The following CAND2 variants were observed in gnomAD, a reference collection of about 807,000 sequenced individuals.
CAND2 encodes the protein cullin-associated NEDD8-dissociated protein 2.
A neutral mutation model predicts 98.9 loss-of-function variants in CAND2; 62 were observed. The observed-to-expected ratio is 0.63, with a 90% CI of 0.51 to 0.77. The LOEUF is 0.77. Among genes scored for constraint, CAND2 ranks in the 30% least tolerant of loss-of-function variants. CAND2 has a pLI of 0.00. For missense variants in CAND2, 1,501 were observed against 1,655.2 expected (o/e 0.91, Z 1.62); for synonymous variants, 770 against 731.9 (o/e 1.05, Z -0.84).
chr3:12,825,110 TTTTTTC>T (rs2061988574), intron 11 of CAND2, among the ~76,000 whole-genome samples: 1 of 148,164 alleles, frequency 6.7e-6, no homozygotes, highest in Non-Finnish European at 1.5e-5. Flanking sequence ...TTCAAAAAAT[TTTTTTC>T]TTTTTTTTTT....
chr3:12,817,502 GCCA>G lies in CAND2; in HGVS notation c.2574_2576del (p.His858del), dbSNP rs750836643. Reference sequence around the variant, plus strand: ...GAGGTGGGTCAGGTGGCTGGGCCAGGCCACCAGCGGGAGCTGAAGGCGGTGCTC... The same window carrying G: ...GAGGTGGGTCAGGTGGCTGGGCCAGGCCAGCGGGAGCTGAAGGCGGTGCTC... On this transcript the variant is annotated inframe_deletion, in exon 10 of 15. Coordinates refer to ENST00000456430, the MANE Select transcript of CAND2 (RefSeq NM_001162499.2). 2 of 1,613,562 alleles carry G rather than the reference GCCA, an allele frequency of 1.2e-6. No individual in the cohort carries two copies. Among genetic ancestry groups the G allele is most frequent in the African/African-American group, 2.7e-5 (2 of 75,076 alleles).
rs2061886705 is a variant in CAND2, at chr3:12,815,180, G to A, written c.1046G>A (p.Trp349Ter). The change falls in exon 8 of 15, where the codon TGG (tryptophan) becomes TAG (stop). Residue 349 changes from tryptophan (W) to a stop codon, truncating the protein, a stop_gained. Transcript: ENST00000456430. LOFTEE classifies it high-confidence loss of function. This position sits in a 1 kb window ranked among gnomAD's most constrained non-coding sequence, Gnocchi z 5.7. The stretch of plus-strand genomic sequence containing the variant: ...TACAGCGATGACGATGACATGAGCT[G>A]GAAGGTGCGCCGGGCAGCTGCCAAG... ...DEYSDDDDMS[W>*]KVRRAAAKCI... is the part of the protein sequence containing the mutation. 6.2e-7 allele frequency: 1 copy of A among 1,613,468 alleles called. No individual in the cohort carries two copies.
At chr3:12,831,629 C>A in intron 14 of CAND2, 57 bp downstream of exon 14, 1 of 905,608 alleles carries the variant, frequency 1.1e-6, no homozygotes, top group East Asian at 2.8e-5. Flanking sequence ...AGTCCTCGGC[C>A]AGTCGTTCAG....
In CAND2 at chr3:12,810,203, C is replaced by A; in HGVS notation, c.636C>A (p.Val212=). Residue 212 remains valine, a synonymous_variant, in exon 5 of 15, where the codon GTC becomes GTA. Transcript: ENST00000456430. The stretch of plus-strand genomic sequence containing the variant: ...CCGCCTGCAGCACCGACCTCTTCGT[C>A]GAGCTCGCTGACCACCTACTGGACC... ...LAAACSTDLF[V]ELADHLLDRL... is the part of the protein sequence containing the mutation. The A allele has an allele frequency of 1.3e-6, 2 of 1,542,016 alleles. No individual in the cohort carries two copies. The highest frequency in any genetic ancestry group is 2.5e-5 in the East Asian group (1 of 40,012).
chr3:12,808,036 G>A (rs994152869), intron 3 of CAND2, among the ~76,000 whole-genome samples, 174 bp from the exon 4 acceptor site: 1 of 152,238 alleles, frequency 6.6e-6, no homozygotes, highest in African/African-American at 2.4e-5. Context: ...AGCTCCCCTA[G>A]CTGTCTCCTT....
At chr3:12,804,962 C>T (rs533409631) in intron 2 of CAND2, among the ~76,000 whole-genome samples, 6 of 152,180 alleles carry the variant, frequency 3.9e-5, no homozygotes, top group Non-Finnish European at 8.8e-5. Context: ...GGTTTCACAC[C>T]AGCAGAACCA....
chr3:12,803,408 C>G, intron 1 of CAND2, 80 bp from the exon 2 acceptor site: 1 of 1,387,388 alleles, frequency 7.2e-7, no homozygotes, highest in Non-Finnish European at 9.7e-7. Flanking sequence ...AGGTCTACTT[C>G]TAGGGGAACC....
In CAND2 at chr3:12,807,351, C is replaced by G; in HGVS notation, c.258C>G (p.Thr86=). 2 of 1,551,630 alleles carry G rather than the reference C, an allele frequency of 1.3e-6. No individual in the cohort carries two copies. The highest frequency in any genetic ancestry group is 1.7e-6 in the Non-Finnish European group (2 of 1,146,938). ...AAGTGAAGGAGTACCAGGTGGAGAC[C>G]ATTGTGGACACCCTGTGCACCAACA... ...VVKVKEYQVE[T]IVDTLCTNMR... Residue 86 remains threonine, a synonymous_variant, in exon 3 of 15, where the codon ACC becomes ACG. Transcript: ENST00000456430.
chr3:12,833,191 A>G (rs116212598), intron 14 of CAND2, among the ~76,000 whole-genome samples: 2,480 of 152,286 alleles, frequency 0.016, 66 homozygotes, highest in African/African-American at 0.056. Flanking sequence ...CAGTGGAGGA[A>G]TTACTGAGCT....
At chr3:12,805,475 T>C (rs2061799995) in intron 2 of CAND2, among the ~76,000 whole-genome samples, 1 of 151,242 alleles carries the variant, frequency 6.6e-6, no homozygotes, top group African/African-American at 2.4e-5. Flanking sequence ...TTTAGTAGAG[T>C]CGGGGTTTTA....
chr3:12,827,435 T>C lies in CAND2; in HGVS notation c.3211-5T>C. 7.4e-6 allele frequency: 12 copies of C among 1,612,004 alleles called. No individual in the cohort carries two copies. The highest frequency in any genetic ancestry group is 1.0e-5 in the Non-Finnish European group (12 of 1,178,782). On this transcript the variant is annotated splice_region_variant and splice_polypyrimidine_tract_variant and intron_variant, in intron 12 of 14. Coordinates refer to ENST00000456430, the MANE Select transcript of CAND2 (RefSeq NM_001162499.2). Reference sequence around the variant, plus strand: ...CCATATCACCAACCTTCATCCCTCCTGCAGGTGGAGATGGGGCCCTTTAAA... The same window carrying C: ...CCATATCACCAACCTTCATCCCTCCCGCAGGTGGAGATGGGGCCCTTTAAA...
At chr3:12,831,627 G>T in intron 14 of CAND2, 55 bp downstream of exon 14, 3 of 985,314 alleles carry the variant, frequency 3.0e-6, no homozygotes, top group Non-Finnish European at 4.3e-6. Flanking sequence ...GGAGTCCTCG[G>T]CCAGTCGTTC....
intron 10 of CAND2, among the ~76,000 whole-genome samples, chr3:12,818,121 A>AC (rs2061924649): frequency 1.3e-5 from 2 of 152,170 alleles, no homozygotes; most frequent in African/African-American, 2.4e-5. Flanking sequence ...CAACAAATAC[A>AC]TTTAAAAATC....
rs752207103 is a variant in CAND2 at position 12,810,258 on chromosome 3, C to T, written c.691C>T (p.Pro231Ser). Residue 231 changes from proline (P) to serine (S), a missense_variant, in exon 5 of 15, where the codon CCG becomes TCG. By Grantham distance (74) the Pro-to-Ser change is moderately conservative. Transcript: ENST00000456430. ...GCCCGGCCCGCGGGTGCCCACCAGC[C>T]CGACTGCCATCCGCACCCTGATCCA... ...RLPGPRVPTS[P>S]TAIRTLIQCL... 1 of 1,515,768 alleles carries T rather than the reference C, an allele frequency of 6.6e-7. No homozygotes were observed. The highest frequency in any genetic ancestry group is 1.2e-5 in the South Asian group (1 of 80,752). The allele number at this position is 1,515,768 out of a possible 1,614,324, so 93.9% of individuals were successfully genotyped here.
rs188658460 is a variant in CAND2 at position 12,817,763 on chromosome 3, G to A, written c.2831G>A (p.Arg944His). The change falls in exon 10 of 15, where the codon CGC becomes CAC. Residue 944 changes from arginine (R) to histidine (H), a missense_variant. Physicochemically the swap from Arg to His is conservative, Grantham distance 29. Transcript: ENST00000456430. ...GACATCTGGGCCTTGCTGTTCCAGC[G>A]CTGCGAGGGTGCTGAGGAGGGCACC... The part of the protein sequence containing the change: ...AEDIWALLFQ[R>H]CEGAEEGTRG... The A allele has an allele frequency of 5.0e-4, 773 of 1,561,016 alleles. 1 individual carries two copies. Among genetic ancestry groups the A allele is most frequent in the Non-Finnish European group, 6.0e-4 (693 of 1,154,686 alleles).
Position 12,815,069 on chromosome 3 carries a change from G to A in CAND2, c.1007-72G>A. On this transcript the variant is annotated intron_variant, in intron 7 of 14. Coordinates refer to ENST00000456430, the MANE Select transcript of CAND2 (RefSeq NM_001162499.2). This position sits in a 1 kb window ranked among gnomAD's most constrained non-coding sequence, Gnocchi z 5.7. ...CAGTGCCCAGCTCTCTCTCCTCCCT[G>A]TCCCTTCTCCCCCGAGCCACAGACC... 6.7e-7 allele frequency: 1 copy of A among 1,482,086 alleles called. No homozygotes were observed. Among genetic ancestry groups the A allele is most frequent in the South Asian group, 1.3e-5 (1 of 78,588 alleles). The allele number at this position is 1,482,086 out of a possible 1,614,324, so 91.8% of individuals were successfully genotyped here.
At position 12,813,100 on chromosome 3, in the gene CAND2, G is replaced by A; in HGVS notation, c.863+5G>A. The A allele has an allele frequency of 6.4e-7, 1 of 1,572,400 alleles. No homozygotes were observed. The highest frequency in any genetic ancestry group is 8.6e-7 in the Non-Finnish European group (1 of 1,157,946). ...TTTTGAGGCCTTCTTGAGGAAGTAT[G>A]TATGGTGGGGTTGCCTGGGGATCCC... On this transcript the variant is annotated splice_donor_5th_base_variant and intron_variant, in intron 6 of 14. Transcript: ENST00000456430.
At chr3:12,813,881 T>G (rs1265660116) in intron 7 of CAND2, among the ~76,000 whole-genome samples, 4 of 152,202 alleles carry the variant, frequency 2.6e-5, no homozygotes, top group African/African-American at 9.6e-5. Context: ...CTTGATAGCT[T>G]CTTTCCTCCT....
rs144870543 is a variant in CAND2, at chr3:12,813,058, G to T, written c.826G>T (p.Glu276Ter). Residue 276 changes from glutamate to a stop codon, truncating the protein, a stop_gained, in exon 6 of 15, where the codon GAG becomes TAG. Transcript: ENST00000456430. LOFTEE classifies it high-confidence loss of function. ...FCNLDDDELR[E>*]SCLQAFEAFL... Reference sequence around the variant, plus strand: ...CAACCTGGATGATGATGAGCTCCGGGAGTCCTGCCTCCAGGCTTTTGAGGC... The same window carrying T: ...CAACCTGGATGATGATGAGCTCCGGTAGTCCTGCCTCCAGGCTTTTGAGGC... The T allele has an allele frequency of 3.8e-6, 6 of 1,583,466 alleles. No individual in the cohort carries two copies. The Admixed American group carries it at 5.5e-5, about 15-fold the overall frequency.
Sources: allele counts gnomAD v4.1 joint callset (sites outside exome capture counted in the v4.1 genomes callset), GRCh38; gene constraint gnomAD v4.1.1; non-coding constraint Gnocchi (gnomAD v3.1); transcripts MANE v1.5; gene names NCBI Gene and HGNC (gene_info 2026-07-23, HGNC 2026-07-21).